Variants in PTPRD observed in about 807,000 individuals in gnomAD.
PTPRD encodes protein tyrosine phosphatase receptor type D, also known as receptor-type tyrosine-protein phosphatase delta.
Under a neutral mutation model 214.5 loss-of-function variants are expected in PTPRD, and 34 were observed. The observed-to-expected ratio is 0.16, with a 90% CI of 0.12 to 0.21. PTPRD has a LOEUF of 0.21. PTPRD is among the 10% of genes least tolerant of loss of function. PTPRD has a pLI of 1.00. For synonymous variants in PTPRD, 1,128 were observed against 845.7 expected (o/e 1.33, Z -5.79); for missense variants, 2,545 against 2,398.7 (o/e 1.06, Z -1.27).
intron 37 of PTPRD, among the ~76,000 whole-genome samples, chr9:8,387,630 T>C (rs1280183016): frequency 6.6e-6 from 1 of 152,136 alleles, no homozygotes; most frequent in Non-Finnish European, 1.5e-5. Context: ...CAGTATGGCT[T>C]GATGGTGAAG....
rs2098610177 is a variant in PTPRD, at chr9:8,896,305, A to G, written c.-104+122392T>C. On this transcript the variant is annotated intron_variant, in intron 11 of 45. Coordinates refer to ENST00000381196, the MANE Select transcript of PTPRD (RefSeq NM_002839.4). Reference sequence around the variant, plus strand: ...ATTGCCTTCAGAATTGGTTATGGACATGATTTCCATTGTCTCCAATCACAA... The same window carrying G: ...ATTGCCTTCAGAATTGGTTATGGACGTGATTTCCATTGTCTCCAATCACAA... Among the ~76,000 whole-genome samples, 5 of 152,356 alleles carry G rather than the reference A, an allele frequency of 3.3e-5. No homozygotes were observed. In the South Asian group the frequency reaches 1.0e-3, roughly 32 times the overall value.
chr9:9,615,683 T>C (rs1051551280), intron 7 of PTPRD, among the ~76,000 whole-genome samples: 5 of 152,194 alleles, frequency 3.3e-5, no homozygotes, highest in Non-Finnish European at 5.9e-5. Context: ...CTGGAGATCA[T>C]TTTGCTATCA....
chr9:10,259,593 T>C (rs955800157), intron 3 of PTPRD, among the ~76,000 whole-genome samples: 15 of 152,192 alleles, frequency 9.9e-5, no homozygotes, highest in African/African-American at 3.6e-4. Context: ...TCAGTGGTGA[T>C]GATTTTTTTT....
chr9:10,268,400 A>G (rs1057244531), intron 3 of PTPRD, among the ~76,000 whole-genome samples: 4 of 151,832 alleles, frequency 2.6e-5, no homozygotes, highest in Admixed American at 6.6e-5. Context: ...ATTTGTAACT[A>G]TGTATTATAC....
intron 11 of PTPRD, among the ~76,000 whole-genome samples, chr9:8,739,890 C>T (rs947798579): frequency 1.3e-5 from 2 of 152,236 alleles, no homozygotes; most frequent in South Asian, 4.1e-4. Context: ...CGGGCACAAG[C>T]TCTTTTCTCT....
chr9:9,174,455 A>C (rs1021281799), intron 10 of PTPRD, among the ~76,000 whole-genome samples: 4 of 152,178 alleles, frequency 2.6e-5, no homozygotes, highest in Non-Finnish European at 4.4e-5. Flanking sequence ...ATTGGCTCAA[A>C]TATAACCTTA....
chr9:9,478,582 T>C (rs1242567172), intron 8 of PTPRD, among the ~76,000 whole-genome samples: 1 of 152,188 alleles, frequency 6.6e-6, no homozygotes, highest in East Asian at 1.9e-4. Flanking sequence ...CACATTTAGA[T>C]CTAACCATTT....
chr9:9,073,641 G>T (rs942961156), intron 10 of PTPRD, among the ~76,000 whole-genome samples: 36 of 152,156 alleles, frequency 2.4e-4, no homozygotes, highest in Non-Finnish European at 1.2e-4. Flanking sequence ...CGAGCCTTCA[G>T]ATGCAAGACT....
intron 42 of PTPRD, 91 bp from the exon 43 acceptor site, chr9:8,339,138 C>T: frequency 1.6e-6 from 2 of 1,279,248 alleles, no homozygotes; most frequent in Admixed American, 2.9e-5. Context: ...ATCTAATTTC[C>T]TTATCCCATT....
At position 9,865,666 on chromosome 9, in the gene PTPRD, T is replaced by C. The variant is rs150288468; in HGVS notation, c.-368+72841A>G. 1.0e-3 allele frequency among the ~76,000 whole-genome samples: 155 copies of C among 152,316 alleles called. 1 individual carries two copies. The highest frequency in any genetic ancestry group is 3.5e-3 in the African/African-American group (147 of 41,570). On this transcript the variant is annotated intron_variant, in intron 5 of 45. Coordinates refer to ENST00000381196, the MANE Select transcript of PTPRD (RefSeq NM_002839.4). ...ACAATAATGGGAGAAATAAGAAAGT[T>C]CTCTGTAATTACCATCAAGATCATC...
chr9:8,580,862 A>T (rs767582513), intron 14 of PTPRD, among the ~76,000 whole-genome samples: 3 of 152,220 alleles, frequency 2.0e-5, no homozygotes, highest in Non-Finnish European at 2.9e-5. Context: ...TTTTGCAGTG[A>T]TCCTGTGGAA....
At chr9:10,427,970 T>G (rs763103785) in intron 2 of PTPRD, among the ~76,000 whole-genome samples, 1 of 152,114 alleles carries the variant, frequency 6.6e-6, no homozygotes, top group Non-Finnish European at 1.5e-5. Flanking sequence ...ATGTTTGTAT[T>G]TTAAAATATT....
At chr9:8,716,798 T>A (rs535871276) in intron 12 of PTPRD, among the ~76,000 whole-genome samples, 2 of 152,288 alleles carry the variant, frequency 1.3e-5, no homozygotes, top group South Asian at 4.1e-4. Context: ...ATAATGAATG[T>A]TACTCTCCTG....
At chr9:8,400,642 G>C (rs1428957396) in intron 36 of PTPRD, among the ~76,000 whole-genome samples, 2 of 152,200 alleles carry the variant, frequency 1.3e-5, no homozygotes, top group African/African-American at 2.4e-5. Flanking sequence ...CGGTAGGAAA[G>C]TGTTATGAGT....
At chr9:9,304,506 AG>A (rs1445315904) in intron 9 of PTPRD, among the ~76,000 whole-genome samples, 1 of 151,944 alleles carries the variant, frequency 6.6e-6, no homozygotes, top group Non-Finnish European at 1.5e-5. Context: ...TTTGGATTTA[AG>A]GATGTGGAAC....
chr9:9,186,074 C>A (rs2099931266), intron 9 of PTPRD, among the ~76,000 whole-genome samples: 2 of 151,860 alleles, frequency 1.3e-5, no homozygotes, highest in African/African-American at 4.8e-5. Flanking sequence ...TTAAAAATGG[C>A]AAATTATTAA....
intron 31 of PTPRD, among the ~76,000 whole-genome samples, chr9:8,465,898 CTA>C (rs1200002939): frequency 1.3e-5 from 2 of 151,848 alleles, no homozygotes; most frequent in African/African-American, 2.4e-5. Context: ...CTGACAAGGT[CTA>C]GGCTATAAAC....
At chr9:8,689,072 ACTC>A (rs2097753433) in intron 12 of PTPRD, among the ~76,000 whole-genome samples, 1 of 152,092 alleles carries the variant, frequency 6.6e-6, no homozygotes, top group African/African-American at 2.4e-5. Flanking sequence ...TTTTAATTTC[ACTC>A]CTCCTGAGAA....
At chr9:8,563,770 T>C (rs1398640673) in intron 14 of PTPRD, among the ~76,000 whole-genome samples, 2 of 152,182 alleles carry the variant, frequency 1.3e-5, no homozygotes, top group Non-Finnish European at 2.9e-5. Context: ...CAAGTGATTC[T>C]TGTGCCTCAG....
Sources: allele counts gnomAD v4.1 joint callset (sites outside exome capture counted in the v4.1 genomes callset), GRCh38; gene constraint gnomAD v4.1.1; transcripts MANE v1.5; gene names NCBI Gene and HGNC (gene_info 2026-07-23, HGNC 2026-07-21).